SLC18A1: variants seen among roughly 807,000 people sequenced by gnomAD.
The protein encoded by SLC18A1 is chromaffin granule amine transporter.
In SLC18A1, 69 loss-of-function variants were observed where a neutral mutation model predicts 53.7. That is an observed-to-expected ratio of 1.28 (90% confidence interval 1.06 to 1.57). The LOEUF is 1.57. SLC18A1 is among the 40% of genes most tolerant of loss of function. The probability of loss-of-function intolerance (pLI) is 0.00; values close to 1 mark genes in which losing one functional copy is unlikely to be tolerated. For missense variants in SLC18A1, 932 were observed against 668.1 expected (o/e 1.40, Z -4.35); for synonymous variants, 320 against 248.1 (o/e 1.29, Z -2.72).
At chr8:20,180,794 G>A (rs1187257353) in intron 2 of SLC18A1, 47 bp downstream of exon 2, 1 of 1,609,576 alleles carries the variant, frequency 6.2e-7, no homozygotes, top group Non-Finnish European at 8.5e-7. Context: ...ACTGCCTGCT[G>A]GGGCCCACAG....
chr8:20,169,792 T>A (rs2072064165), intron 8 of SLC18A1, among the ~76,000 whole-genome samples: 1 of 152,100 alleles, frequency 6.6e-6, no homozygotes, highest in African/African-American at 2.4e-5. Context: ...CACAGGAGAA[T>A]CATTTGAACC....
intron 8 of SLC18A1, among the ~76,000 whole-genome samples, chr8:20,170,372 A>G (rs929951426): frequency 1.9e-4 from 29 of 152,330 alleles, no homozygotes; most frequent in South Asian, 1.2e-3. Context: ...TGGCGCACTA[A>G]GCTGAGCTCC....
Position 20,149,731 on chromosome 8 carries a change from G to A in SLC18A1, c.1095-4C>T. The A allele has an allele frequency of 6.2e-7, 1 of 1,613,610 alleles. No homozygotes were observed. Among genetic ancestry groups the A allele is most frequent in the East Asian group, 2.2e-5 (1 of 44,848 alleles). Reference sequence around the variant, plus strand: ...CCCGATTAGGGAACACAGCCACCTGGAAGAAAAAAGCCATCATCAAACACC... The same window carrying A: ...CCCGATTAGGGAACACAGCCACCTGAAAGAAAAAAGCCATCATCAAACACC... On this transcript the variant is annotated splice_region_variant and splice_polypyrimidine_tract_variant and intron_variant, in intron 11 of 15. Transcript: ENST00000276373.
intron 8 of SLC18A1, among the ~76,000 whole-genome samples, chr8:20,167,811 C>T (rs1329151623): frequency 1.3e-5 from 2 of 151,408 alleles, no homozygotes; most frequent in Non-Finnish European, 2.9e-5. Flanking sequence ...TTAGTAGAGA[C>T]GGGATTTCAC....
In SLC18A1 at chr8:20,179,351, G is replaced by C; in HGVS notation, c.258C>G (p.Asn86Lys). 6.2e-7 allele frequency: 1 copy of C among 1,614,228 alleles called. No homozygotes were observed. The highest frequency in any genetic ancestry group is 8.5e-7 in the Non-Finnish European group (1 of 1,180,044). ...TTTCTTCAACAGCCACGGTGTTGTT[G>C]TTGAAGAAGGAGAAGATGGTGGAAA... The part of the protein sequence containing the change: ...PAFSTIFSFF[N>K]NNTVAVEESV... Residue 86 changes from asparagine to lysine, a missense_variant, in exon 3 of 16, where the codon AAC becomes AAG. Physicochemically the swap from Asn to Lys is moderately conservative, Grantham distance 94 (BLOSUM62 0). Coordinates refer to ENST00000276373, the MANE Select transcript of SLC18A1 (RefSeq NM_003053.4).
intron 8 of SLC18A1, among the ~76,000 whole-genome samples, chr8:20,167,653 C>T (rs1316243949): frequency 6.6e-6 from 1 of 151,906 alleles, no homozygotes. Flanking sequence ...CAGAGTCTTG[C>T]TCTGTAGCCC....
intron 12 of SLC18A1, chr8:20,148,637 T>A: frequency 2.3e-6 from 1 of 436,656 alleles, no homozygotes; most frequent in Non-Finnish European, 4.5e-6. Context: ...CCCATTGCCC[T>A]CCCAATCCCC....
Position 20,173,029 on chromosome 8 carries a change from C to A in SLC18A1, c.724+7G>T. 6.3e-7 allele frequency: 1 copy of A among 1,578,528 alleles called. No individual in the cohort carries two copies. Among genetic ancestry groups the A allele is most frequent in the Admixed American group, 1.8e-5 (1 of 55,152 alleles). ...CCGAACCCAGAGCTCCAGCTGGTGC[C>A]ACTTACCCAGCAACCCCAAGGCCAG... is the stretch of plus-strand genomic sequence containing the variant. On this transcript the variant is annotated splice_region_variant and intron_variant, in intron 6 of 15. Coordinates refer to ENST00000276373, the MANE Select transcript of SLC18A1 (RefSeq NM_003053.4).
chr8:20,179,526 T>C (rs2072361484), intron 2 of SLC18A1, 42 bp from the exon 3 acceptor site: 1 of 1,569,078 alleles, frequency 6.4e-7, no homozygotes. Context: ...TAAGGACCGA[T>C]GTCATCTTAC....
intron 10 of SLC18A1, among the ~76,000 whole-genome samples, chr8:20,160,798 C>T (rs1014805643): frequency 1.4e-4 from 21 of 152,170 alleles, no homozygotes; most frequent in Middle Eastern, 3.4e-3. Flanking sequence ...TGCATGGCAC[C>T]AGCATCTGCT....
At chr8:20,164,745 G>T in intron 10 of SLC18A1, 124 bp downstream of exon 10, 2 of 694,010 alleles carry the variant, frequency 2.9e-6, no homozygotes, top group South Asian at 1.9e-5. Context: ...TTGATTCATG[G>T]GTGTGGACGT....
chr8:20,166,674 AAAAT>A (rs149492962), intron 8 of SLC18A1, among the ~76,000 whole-genome samples: 3,050 of 152,048 alleles, frequency 0.02, 104 homozygotes, highest in African/African-American at 0.07. Context: ...ATATATTAAA[AAAAT>A]AAATTATATT....
chr8:20,149,419 C>T (rs1373016209), intron 12 of SLC18A1, among the ~76,000 whole-genome samples: 1 of 152,094 alleles, frequency 6.6e-6, no homozygotes, highest in Admixed American at 6.6e-5. Context: ...TCTTCCTCTC[C>T]TTTCCCACTT....
intron 2 of SLC18A1, among the ~76,000 whole-genome samples, 158 bp from the exon 3 acceptor site, chr8:20,179,642 G>A (rs997524225): frequency 5.3e-5 from 8 of 152,186 alleles, no homozygotes; most frequent in African/African-American, 1.9e-4. Context: ...ACTAGGATCA[G>A]GGGACTATGA....
chr8:20,156,533 A>G (rs892631036), intron 10 of SLC18A1, among the ~76,000 whole-genome samples: 6 of 152,188 alleles, frequency 3.9e-5, no homozygotes, highest in African/African-American at 9.6e-5. Context: ...ACTCTTGTAG[A>G]AGCAGAGTTG....
At chr8:20,148,616 T>A (rs1396686054) in intron 12 of SLC18A1, 1 of 480,262 alleles carries the variant, frequency 2.1e-6, no homozygotes, top group Non-Finnish European at 4.0e-6. Context: ...AGGAAGCTTG[T>A]GAGACTCATT....
At chr8:20,182,567 G>A (rs2072456570) in intron 1 of SLC18A1, among the ~76,000 whole-genome samples, 1 of 152,090 alleles carries the variant, frequency 6.6e-6, no homozygotes, top group East Asian at 1.9e-4. Flanking sequence ...AGCTACTTTT[G>A]TAATTAAAGA....
chr8:20,154,622 A>T (rs2071637466), intron 10 of SLC18A1, among the ~76,000 whole-genome samples: 1 of 152,228 alleles, frequency 6.6e-6, no homozygotes, highest in South Asian at 2.1e-4. Flanking sequence ...GTAGGGCAAG[A>T]AGATGAAAGA....
chr8:20,180,992 C>T lies in SLC18A1; in HGVS notation c.-28G>A, dbSNP rs1289176373. On this transcript the variant is annotated 5_prime_UTR_variant, in exon 2 of 16. Transcript: ENST00000276373. ...TGATGGCCGGACTGGGGCAGTCTTCCCCTGCGGGCTCTTAGGGAAGGTCCT... is the reference window on the plus strand; with the variant it reads ...TGATGGCCGGACTGGGGCAGTCTTCTCCTGCGGGCTCTTAGGGAAGGTCCT... The T allele has an allele frequency of 1.9e-6, 3 of 1,553,704 alleles. No individual in the cohort carries two copies. The African/African-American group carries it at 4.1e-5, about 21-fold the overall frequency.
Sources: allele counts gnomAD v4.1 joint callset (sites outside exome capture counted in the v4.1 genomes callset), GRCh38; gene constraint gnomAD v4.1.1; transcripts MANE v1.5; gene names NCBI Gene and HGNC (gene_info 2026-07-23, HGNC 2026-07-21).